ZFYVE16: variants seen among roughly 807,000 people sequenced by gnomAD.
ZFYVE16 encodes zinc finger FYVE-type containing 16.
In ZFYVE16, 89 loss-of-function variants were observed where a neutral mutation model predicts 138.1. The observed-to-expected ratio is 0.64, with a 90% CI of 0.54 to 0.77. The LOEUF (loss-of-function observed/expected upper bound fraction) is 0.77. Among genes scored for constraint, ZFYVE16 ranks in the 30% least tolerant of loss-of-function variants. The pLI is 0.00. For synonymous variants in ZFYVE16, 596 were observed against 618.3 expected (o/e 0.96, Z 0.53); for missense variants, 1,793 against 1,786.7 (o/e 1.00, Z -0.06).
At chr5:80,459,900 G>A (rs766740037) in intron 15 of ZFYVE16, among the ~76,000 whole-genome samples, 9 of 151,956 alleles carry the variant, frequency 5.9e-5, no homozygotes, top group Non-Finnish European at 1.2e-4. Context: ...CATTTTAAAC[G>A]CTATTAAATA....
At position 80,432,992 on chromosome 5, in the gene ZFYVE16, T is replaced by C. The variant is rs140485543; in HGVS notation, c.-39-1117T>C. ...AGGAATGCTTTTACACTTGGTGGGATTGTAAACTAGTTCAACCATTGTGGA... is the reference window on the plus strand; with the variant it reads ...AGGAATGCTTTTACACTTGGTGGGACTGTAAACTAGTTCAACCATTGTGGA... On this transcript the variant is annotated intron_variant, in intron 2 of 18. Coordinates refer to ENST00000505560, the MANE Select transcript of ZFYVE16 (RefSeq NM_001284236.3). 6.3e-3 allele frequency among the ~76,000 whole-genome samples: 952 copies of C among 152,268 alleles called. 10 individuals carry two copies. The highest frequency in any genetic ancestry group is 0.021 in the African/African-American group (877 of 41,556).
In ZFYVE16 at chr5:80,481,739, C is replaced by G. The variant is rs150759958; in HGVS notation, c.*4362C>G. ...GAACTTGTGAAACCTAAGCAACTCT[C>G]TAGGGAAAAGACAATGAACAAGAGC... On this transcript the variant is annotated 3_prime_UTR_variant, in exon 19 of 19. Transcript: ENST00000505560. Among the ~76,000 whole-genome samples the G allele has an allele frequency of 5.9e-5, 9 of 152,126 alleles. No individual in the cohort carries two copies. The highest frequency in any genetic ancestry group is 7.4e-5 in the Non-Finnish European group (5 of 68,002).
chr5:80,421,471 A>G (rs1266855636), intron 1 of ZFYVE16, among the ~76,000 whole-genome samples: 1 of 152,128 alleles, frequency 6.6e-6, no homozygotes, highest in Non-Finnish European at 1.5e-5. Flanking sequence ...TTAATTTTTT[A>G]TAAGGTGTAA....
rs778930742 is a variant in ZFYVE16 at position 80,449,606 on chromosome 5, A to T, written c.3119A>T (p.Glu1040Val). 77 of 1,608,700 alleles carry T rather than the reference A, an allele frequency of 4.8e-5. No individual in the cohort carries two copies. Among genetic ancestry groups the T allele is most frequent in the Non-Finnish European group, 6.4e-5 (75 of 1,178,096 alleles). Residue 1040 changes from glutamate (E) to valine (V), a missense_variant, in exon 9 of 19, where the codon GAA becomes GTA. Glu to Val is a moderately radical substitution (Grantham distance 121). Transcript: ENST00000505560. ...CATCATTTAGTGCCTGTAGTAGAAG[A>T]ACATCCATCTCATGAGCAGATCATT... ...GEKGSVPVVE[E>V]HPSHEQIILL...
chr5:80,436,502 G>A (rs529560934), intron 3 of ZFYVE16, among the ~76,000 whole-genome samples: 2 of 152,200 alleles, frequency 1.3e-5, no homozygotes, highest in East Asian at 3.9e-4. Context: ...AAAGAGACAA[G>A]GTCCCTGCAC....
chr5:80,440,179 G>A, intron 5 of ZFYVE16, 147 bp downstream of exon 5: 2 of 1,259,922 alleles, frequency 1.6e-6, no homozygotes, highest in South Asian at 2.8e-5. Context: ...CCAAGGCTTG[G>A]TTTCTCTTCT....
In ZFYVE16 at chr5:80,443,089, T is replaced by C. The variant is rs367774189; in HGVS notation, c.2420-34T>C. On this transcript the variant is annotated intron_variant, in intron 5 of 18. Transcript: ENST00000505560. ...CTTTGAAGTAAATTCCAAAAACATCTGAGATTTTAACACTATTGTTTTCCC... is the reference window on the plus strand; with the variant it reads ...CTTTGAAGTAAATTCCAAAAACATCCGAGATTTTAACACTATTGTTTTCCC... The C allele has an allele frequency of 4.2e-5, 62 of 1,488,890 alleles. No homozygotes were observed. The African/African-American group carries it at 8.8e-4, about 21-fold the overall frequency. 92.2% of individuals were successfully genotyped at this position (1,488,890 alleles called of 1,614,324 possible). A position where few individuals can be genotyped will look rare whatever the true frequency, so the allele number is the denominator to read the frequency against.
At chr5:80,469,980 G>A (rs577808959) in intron 15 of ZFYVE16, among the ~76,000 whole-genome samples, 1 of 147,974 alleles carries the variant, frequency 6.8e-6, no homozygotes, top group South Asian at 2.1e-4. Flanking sequence ...TTTATTCTTT[G>A]AATGCGTTTC....
intron 1 of ZFYVE16, among the ~76,000 whole-genome samples, chr5:80,416,049 C>T (rs2112168672): frequency 6.6e-6 from 1 of 152,208 alleles, no homozygotes; most frequent in Admixed American, 6.5e-5. Flanking sequence ...TTAGTATTTT[C>T]TTTTTTTCTC....
chr5:80,452,816 A>T (rs766304352), intron 11 of ZFYVE16, among the ~76,000 whole-genome samples: 2 of 152,122 alleles, frequency 1.3e-5, no homozygotes, highest in Non-Finnish European at 2.9e-5. Flanking sequence ...TGTATCATTC[A>T]TGTGTATGTA....
intron 15 of ZFYVE16, 96 bp from the exon 16 acceptor site, chr5:80,472,665 A>G (rs1754500191): frequency 4.2e-6 from 5 of 1,193,986 alleles, no homozygotes; most frequent in Non-Finnish European, 5.8e-6. Flanking sequence ...TAAAACTTGT[A>G]TCTTACACAG....
In ZFYVE16 at chr5:80,427,947, G is replaced by C. The variant is rs137967981; in HGVS notation, c.-40+402G>C. Among the ~76,000 whole-genome samples the C allele has an allele frequency of 7.9e-4, 96 of 122,174 alleles. 2 individuals carry two copies. The highest frequency in any genetic ancestry group is 2.7e-3 in the African/African-American group (91 of 33,454). The allele number at this position is 122,174 out of a possible 152,430, so 80.2% of individuals were successfully genotyped here. ...AGACAGCATCACTGCACTCTAGCAT[G>C]CGTGACAGAGCGAGACTCCATCTCA... is the stretch of plus-strand genomic sequence containing the variant. On this transcript the variant is annotated intron_variant, in intron 2 of 18. Transcript: ENST00000505560.
At chr5:80,408,925 G>A (rs1745033228) in intron 1 of ZFYVE16, among the ~76,000 whole-genome samples, 1 of 152,152 alleles carries the variant, frequency 6.6e-6, no homozygotes, top group African/African-American at 2.4e-5. Context: ...CGTCTCTTGA[G>A]TTGGCGGGAG....
At position 80,450,501 on chromosome 5, in the gene ZFYVE16, T is replaced by G. The variant is rs1751870351; in HGVS notation, c.3297T>G (p.Ile1099Met). The change falls in exon 10 of 19, where the codon ATT (isoleucine) becomes ATG (methionine). Residue 1099 changes from isoleucine to methionine, a missense_variant. This residue lies in a region of ZFYVE16 where 498 missense variants were observed against 582.4 expected (regional missense o/e 0.86). Coordinates refer to ENST00000505560, the MANE Select transcript of ZFYVE16 (RefSeq NM_001284236.3). ...LHGLGQAEII[I>M]LLLCLPNEDT... ...GCTTGGGACAGGCAGAAATTATTATTCTATTGTTATGTTTGCCAAATGAAG... is the reference window on the plus strand; with the variant it reads ...GCTTGGGACAGGCAGAAATTATTATGCTATTGTTATGTTTGCCAAATGAAG... 6.2e-7 allele frequency: 1 copy of G among 1,613,580 alleles called. No homozygotes were observed. Among genetic ancestry groups the G allele is most frequent in the Non-Finnish European group, 8.5e-7 (1 of 1,179,676 alleles).
rs905084205 is a variant in ZFYVE16 at position 80,479,809 on chromosome 5, G to A, written c.*2432G>A. The stretch of plus-strand genomic sequence containing the variant: ...AAATTAAAGTTCAGGGCCCATATAA[G>A]GTGATGAACCTAACAGGAGACCCTC... On this transcript the variant is annotated 3_prime_UTR_variant, in exon 19 of 19. Coordinates refer to ENST00000505560, the MANE Select transcript of ZFYVE16 (RefSeq NM_001284236.3). Among the ~76,000 whole-genome samples, 2 of 152,122 alleles carry A rather than the reference G, an allele frequency of 1.3e-5. No individual in the cohort carries two copies. Among genetic ancestry groups the A allele is most frequent in the African/African-American group, 2.4e-5 (1 of 41,418 alleles).
intron 1 of ZFYVE16, among the ~76,000 whole-genome samples, chr5:80,425,702 C>G (rs1747884473): frequency 6.6e-6 from 1 of 152,114 alleles, no homozygotes; most frequent in South Asian, 2.1e-4. Flanking sequence ...GCTTGACTTT[C>G]CTGTAAACAT....
At chr5:80,444,446 T>A (rs1580250555) in intron 6 of ZFYVE16, among the ~76,000 whole-genome samples, 1 of 12,958 alleles carries the variant, frequency 7.7e-5, no homozygotes, top group Non-Finnish European at 1.8e-3. Flanking sequence ...GACATTGAAC[T>A]TTTTTTTTTT....
At position 80,420,052 on chromosome 5, in the gene ZFYVE16, T is replaced by C. The variant is rs1192255555; in HGVS notation, c.-93-7440T>C. 4.6e-5 allele frequency among the ~76,000 whole-genome samples: 7 copies of C among 151,416 alleles called. No individual in the cohort carries two copies. The South Asian group carries it at 1.0e-3, about 23-fold the overall frequency. ...GTCTTGAACTCCTGACCTCGTGATCTGCCCACCTTGGCCCCCCAAAGTGCT... is the reference window on the plus strand; with the variant it reads ...GTCTTGAACTCCTGACCTCGTGATCCGCCCACCTTGGCCCCCCAAAGTGCT... On this transcript the variant is annotated intron_variant, in intron 1 of 18. Transcript: ENST00000505560.
chr5:80,425,228 G>T (rs570237341), intron 1 of ZFYVE16, among the ~76,000 whole-genome samples: 97 of 151,826 alleles, frequency 6.4e-4, no homozygotes, highest in African/African-American at 2.3e-3. Flanking sequence ...TCTCTTCCTC[G>T]TCCCTCTGGG....
Sources: gnomAD v4.1 joint callset for allele counts (sites outside exome capture counted in the v4.1 genomes callset) on GRCh38, gnomAD v4.1.1 for gene constraint, gnomAD v4.1.1 regional missense constraint, MANE v1.5 for transcripts, NCBI Gene and HGNC (gene_info 2026-07-23, HGNC 2026-07-21) for gene names.